LIN54: variants seen among roughly 807,000 people sequenced by gnomAD.
The protein encoded by LIN54 is lin-54 DREAM MuvB core complex component.
In LIN54, 9 loss-of-function variants were observed where a neutral mutation model predicts 78.7. The observed-to-expected ratio is 0.11, with a 90% CI of 0.07 to 0.20. LIN54 has a LOEUF of 0.20. LIN54 is among the 10% of genes least tolerant of loss of function. The probability of loss-of-function intolerance (pLI) is 1.00; values close to 1 mark genes in which losing one functional copy is unlikely to be tolerated. For missense variants in LIN54, 573 were observed against 889.9 expected, an observed-to-expected ratio of 0.64 and a Z score of 4.53; for synonymous variants, 269 against 318.4, an observed-to-expected ratio of 0.84 and a Z score of 1.65.
intron 3 of LIN54, among the ~76,000 whole-genome samples, chr4:82,977,846 A>C (rs1726287285): frequency 6.6e-6 from 1 of 152,194 alleles, no homozygotes; most frequent in Admixed American, 6.5e-5. Flanking sequence ...AGAGTCATTT[A>C]GTATGGCTCT....
chr4:82,932,616 C>A lies in LIN54; in HGVS notation c.1846-1471G>T, dbSNP rs1578482182. 2.7e-5 allele frequency among the ~76,000 whole-genome samples: 4 copies of A among 148,648 alleles called. No individual in the cohort carries two copies. In the South Asian group the frequency reaches 8.5e-4, roughly 31 times the overall value. ...GGAGGATCACCTGAGGTCCGGAGTT[C>A]AAGACCAGCCTGACCAACATGGAGA... is the stretch of plus-strand genomic sequence containing the variant. On this transcript the variant is annotated intron_variant, in intron 11 of 12. Coordinates refer to ENST00000340417, the MANE Select transcript of LIN54 (RefSeq NM_194282.4).
At chr4:82,969,044 A>G (rs1725441096) in intron 4 of LIN54, among the ~76,000 whole-genome samples, 1 of 152,168 alleles carries the variant, frequency 6.6e-6, no homozygotes, top group South Asian at 2.1e-4. Flanking sequence ...ATGAGAAGCC[A>G]CAGAAGTCCA....
chr4:83,001,333 C>T (rs1728747611), intron 1 of LIN54, among the ~76,000 whole-genome samples: 1 of 82,714 alleles, frequency 1.2e-5, no homozygotes, highest in South Asian at 4.0e-4. Flanking sequence ...GAGGGGATCA[C>T]TTGAGCCCCG....
chr4:82,948,524 T>C (rs1054604963), intron 4 of LIN54, among the ~76,000 whole-genome samples: 5 of 152,220 alleles, frequency 3.3e-5, no homozygotes, highest in African/African-American at 1.2e-4. Flanking sequence ...ATCCATCATC[T>C]TGCATAGTTG....
chr4:82,943,858 C>T (rs1723138692), intron 5 of LIN54, among the ~76,000 whole-genome samples: 1 of 119,420 alleles, frequency 8.4e-6, no homozygotes, highest in Non-Finnish European at 1.9e-5. Flanking sequence ...CCAGTCAATA[C>T]TGATTTTTTT....
intron 1 of LIN54, among the ~76,000 whole-genome samples, chr4:82,985,681 C>T (rs1160495345): frequency 6.6e-6 from 1 of 152,206 alleles, no homozygotes; most frequent in Non-Finnish European, 1.5e-5. Context: ...GCTGGAATTA[C>T]AGGCGCCTGC....
chr4:82,955,755 A>C (rs968681063), intron 4 of LIN54, among the ~76,000 whole-genome samples: 2 of 16,286 alleles, frequency 1.2e-4, no homozygotes, highest in Non-Finnish European at 2.5e-4. Flanking sequence ...CCCCTATCTC[A>C]TTACAAAAAA....
chr4:82,970,716 A>G (rs548647872), intron 3 of LIN54, among the ~76,000 whole-genome samples: 1 of 152,282 alleles, frequency 6.6e-6, no homozygotes, highest in East Asian at 1.9e-4. Context: ...GTTCATCAAT[A>G]CTGTTGTTAT....
intron 1 of LIN54, among the ~76,000 whole-genome samples, chr4:83,005,906 T>A (rs72927129): frequency 0.018 from 2,702 of 152,132 alleles, 84 homozygotes; most frequent in African/African-American, 0.061. Flanking sequence ...GGTGATTGGA[T>A]AAGGAAAATG....
chr4:82,968,042 T>G (rs1725350970), intron 4 of LIN54, among the ~76,000 whole-genome samples: 1 of 151,606 alleles, frequency 6.6e-6, no homozygotes, highest in African/African-American at 2.4e-5. Flanking sequence ...TTTTGTTTTT[T>G]GTTTTTTTTT....
At chr4:82,948,711 A>G (rs1723606005) in intron 4 of LIN54, among the ~76,000 whole-genome samples, 1 of 150,292 alleles carries the variant, frequency 6.7e-6, no homozygotes, top group Non-Finnish European at 1.5e-5. Flanking sequence ...ACCCCCACCC[A>G]GTAACCAGTT....
intron 2 of LIN54, among the ~76,000 whole-genome samples, chr4:82,983,675 C>T (rs1440188100): frequency 6.6e-6 from 1 of 151,986 alleles, no homozygotes. Context: ...TGAATAATGG[C>T]AATGAACAGT....
intron 1 of LIN54, among the ~76,000 whole-genome samples, chr4:83,002,244 T>C (rs1728907982): frequency 6.6e-6 from 1 of 151,460 alleles, no homozygotes; most frequent in Non-Finnish European, 1.5e-5. Flanking sequence ...CAGAGAAATA[T>C]TTTTAGAGAA....
intron 1 of LIN54, among the ~76,000 whole-genome samples, chr4:83,002,901 G>A (rs1026864280): frequency 6.6e-6 from 1 of 152,186 alleles, no homozygotes; most frequent in African/African-American, 2.4e-5. Flanking sequence ...ATGTGGATAT[G>A]ACTGCTTGGG....
Position 82,970,391 on chromosome 4 carries a change from G to C in LIN54, c.887C>G (p.Thr296Ser). The change falls in exon 4 of 13, where the codon ACT (threonine) becomes AGT (serine). Residue 296 changes from threonine (T) to serine (S), a missense_variant. Coordinates refer to ENST00000340417, the MANE Select transcript of LIN54 (RefSeq NM_194282.4). ...TGGTGTCTGTGTTGTAGAATTTAAA[G>C]TTGATCCAATAACACCACTTTCAGA... Reference protein sequence around the residue: ...TISESGVIGSTLNSTTQTPNK... With the variant: ...TISESGVIGSSLNSTTQTPNK... 1 of 1,613,320 alleles carries C rather than the reference G, an allele frequency of 6.2e-7. No homozygotes were observed. The highest frequency in any genetic ancestry group is 1.1e-5 in the South Asian group (1 of 90,972).
intron 2 of LIN54, among the ~76,000 whole-genome samples, chr4:82,979,664 C>T (rs983035297): frequency 3.3e-5 from 5 of 151,954 alleles, no homozygotes; most frequent in African/African-American, 7.2e-5. Flanking sequence ...CCTGGCCAGG[C>T]GCAGTGGCTC....
intron 1 of LIN54, among the ~76,000 whole-genome samples, chr4:82,999,330 C>T (rs1272290729): frequency 1.3e-5 from 2 of 152,000 alleles, no homozygotes; most frequent in Non-Finnish European, 2.9e-5. Context: ...GCTGCAGTTG[C>T]CCAACATTTC....
chr4:83,007,744 C>T (rs2126117007), intron 1 of LIN54, among the ~76,000 whole-genome samples: 1 of 152,110 alleles, frequency 6.6e-6, no homozygotes, highest in Non-Finnish European at 1.5e-5. Flanking sequence ...AAAAAATTAA[C>T]CGAGCGTGGG....
chr4:82,932,717 C>T lies in LIN54; in HGVS notation c.1846-1572G>A, dbSNP rs374133273. Among the ~76,000 whole-genome samples, 62 of 151,094 alleles carry T rather than the reference C, an allele frequency of 4.1e-4. 1 individual carries two copies. The East Asian group carries it at 0.012, about 29-fold the overall frequency. Reference sequence around the variant, plus strand: ...GCACATGCCTGTAATCTCAGCTACTCGAGAGGCTGAGGCAGGAGAATCGCT... The same window carrying T: ...GCACATGCCTGTAATCTCAGCTACTTGAGAGGCTGAGGCAGGAGAATCGCT... On this transcript the variant is annotated intron_variant, in intron 11 of 12. Coordinates refer to ENST00000340417, the MANE Select transcript of LIN54 (RefSeq NM_194282.4).
Sources: gnomAD v4.1 joint callset for allele counts (sites outside exome capture counted in the v4.1 genomes callset) on GRCh38, gnomAD v4.1.1 for gene constraint, MANE v1.5 for transcripts, NCBI Gene and HGNC (gene_info 2026-07-23, HGNC 2026-07-21) for gene names.